GDF11: variants seen among roughly 807,000 people sequenced by gnomAD.
GDF11 encodes the protein growth/differentiation factor 11.
In GDF11, 12 loss-of-function variants were observed where a neutral mutation model predicts 34.4. The ratio of observed to expected loss-of-function variants is 0.35; its 90% CI spans 0.22 to 0.57. GDF11 has a LOEUF of 0.57. GDF11 is among the 20% of genes least tolerant of loss of function. The pLI is 0.86. For synonymous variants in GDF11, 212 were observed against 231.1 expected (o/e 0.92, Z 0.75); for missense variants, 346 against 548.2 (o/e 0.63, Z 3.68).
In GDF11 at chr12:55,748,556, T is replaced by C; in HGVS notation, c.446-30T>C. ...ACTGATCCCCTACACAAACACCCTT[T>C]GCTGATGCTGTGCCCTTCTCTCTTA... On this transcript the variant is annotated intron_variant, in intron 1 of 2. Coordinates refer to ENST00000257868, the MANE Select transcript of GDF11 (RefSeq NM_005811.5). The surrounding 1 kb of genome is among the most constrained non-coding windows in gnomAD (Gnocchi z 5.6). The C allele has an allele frequency of 6.4e-7, 1 of 1,569,382 alleles. No individual in the cohort carries two copies. The highest frequency in any genetic ancestry group is 8.7e-7 in the Non-Finnish European group (1 of 1,155,418).
chr12:55,751,715 C>T lies in GDF11; in HGVS notation c.*1833C>T, dbSNP rs1248017924. On this transcript the variant is annotated 3_prime_UTR_variant, in exon 3 of 3. Transcript: ENST00000257868. ...CTTACTTCACCACCAGGCCTCTTGG[C>T]TCCAGGCAAGAGCTTAGAGGATGTC... 4.6e-5 allele frequency: 7 copies of T among 152,160 alleles called. No individual in the cohort carries two copies. The highest frequency in any genetic ancestry group is 1.7e-4 in the African/African-American group (7 of 41,428). The allele number at this position is 152,160 out of a possible 1,614,324, so 9.4% of individuals were successfully genotyped here.
rs1878226194 is a variant in GDF11, at chr12:55,748,285, T to C, written c.446-301T>C. Among the ~76,000 whole-genome samples the C allele has an allele frequency of 6.6e-6, 1 of 152,124 alleles. No homozygotes were observed. Among genetic ancestry groups the C allele is most frequent in the Admixed American group, 6.5e-5 (1 of 15,268 alleles). ...TTGGAGCCTTATATGCTGGGAAAAG[T>C]TGGACAGTAAGGATGGTGGTGGATG... On this transcript the variant is annotated intron_variant, in intron 1 of 2. Coordinates refer to ENST00000257868, the MANE Select transcript of GDF11 (RefSeq NM_005811.5). This position sits in a 1 kb window ranked among gnomAD's most constrained non-coding sequence, Gnocchi z 5.6.
At chr12:55,744,646 C>T (rs3843621) in intron 1 of GDF11, among the ~76,000 whole-genome samples, 4,983 of 150,586 alleles carry the variant, frequency 0.033, 283 homozygotes, top group African/African-American at 0.11. Context: ...ACTACACCCC[C>T]CCTTTTCCAG....
Position 55,749,414 on chromosome 12 carries a change from C to A in GDF11, c.844-88C>A. 1 of 1,393,198 alleles carries A rather than the reference C, an allele frequency of 7.2e-7. No individual in the cohort carries two copies. The highest frequency in any genetic ancestry group is 2.4e-4 in the Middle Eastern group (1 of 4,114). 86.3% of individuals were successfully genotyped at this position (1,393,198 alleles called of 1,614,324 possible). On this transcript the variant is annotated intron_variant, in intron 2 of 2. Coordinates refer to ENST00000257868, the MANE Select transcript of GDF11 (RefSeq NM_005811.5). This position sits in a 1 kb window ranked among gnomAD's most constrained non-coding sequence, Gnocchi z 5.6. The stretch of plus-strand genomic sequence containing the variant: ...AGCTGAGAAGTCAGCAGTCTCTATT[C>A]TGATGCCCCTGGCAGGTGGGAAAGG...
intron 1 of GDF11, among the ~76,000 whole-genome samples, chr12:55,745,237 T>A: frequency 6.6e-6 from 1 of 152,092 alleles, no homozygotes; most frequent in East Asian, 1.9e-4. Context: ...AAAGATACTC[T>A]AGTCTCTGTG....
intron 1 of GDF11, among the ~76,000 whole-genome samples, chr12:55,747,206 T>C (rs1455416188): frequency 2.0e-5 from 3 of 151,980 alleles, no homozygotes; most frequent in African/African-American, 7.3e-5. Context: ...CCCCAAACCC[T>C]ACTCCATTGC....
chr12:55,746,961 T>C lies in GDF11; in HGVS notation c.446-1625T>C, dbSNP rs188521675. ...TTTAGGGAGTTCATTCACCATGTAT[T>C]TATTGAGTGCTGTCTAGCACTATGG... On this transcript the variant is annotated intron_variant, in intron 1 of 2. Transcript: ENST00000257868. Among the ~76,000 whole-genome samples the C allele has an allele frequency of 6.6e-5, 10 of 152,286 alleles. No homozygotes were observed. In the East Asian group the frequency reaches 1.9e-3, roughly 29 times the overall value.
Position 55,748,875 on chromosome 12 carries a change from C to G in GDF11, c.735C>G (p.His245Gln). Residue 245 changes from histidine to glutamine, a missense_variant, in exon 2 of 3, where the codon CAC (histidine) becomes CAG (glutamine). Physicochemically the swap from His to Gln is conservative, Grantham distance 24 (BLOSUM62 0). Coordinates refer to ENST00000257868, the MANE Select transcript of GDF11 (RefSeq NM_005811.5). This position sits in a 1 kb window ranked among gnomAD's most constrained non-coding sequence, Gnocchi z 5.6. ...WQSIDFKQVL[H>Q]SWFRQPQSNW... ...GCATCGACTTCAAGCAAGTGCTACA[C>G]AGCTGGTTCCGCCAGCCACAGAGCA... 1 of 1,612,134 alleles carries G rather than the reference C, an allele frequency of 6.2e-7. No homozygotes were observed. The highest frequency in any genetic ancestry group is 1.1e-5 in the South Asian group (1 of 91,044).
In GDF11 at chr12:55,750,119, G is replaced by C. The variant is rs1229232131; in HGVS notation, c.*237G>C. The C allele has an allele frequency of 5.7e-6, 3 of 527,982 alleles. No individual in the cohort carries two copies. Among genetic ancestry groups the C allele is most frequent in the Non-Finnish European group, 1.0e-5 (3 of 295,690 alleles). 32.7% of individuals were successfully genotyped at this position (527,982 alleles called of 1,614,324 possible). A position where few individuals can be genotyped will look rare whatever the true frequency, so the allele number is the denominator to read the frequency against. ...GGGAGTGTTTGAAGTTTGCAGATGA[G>C]AAGGTTTGACAAAAAGACAGAGAGA... On this transcript the variant is annotated 3_prime_UTR_variant, in exon 3 of 3. Transcript: ENST00000257868.
At position 55,750,385 on chromosome 12, in the gene GDF11, CCTT is replaced by C. The variant is rs1878283361; in HGVS notation, c.*506_*508del. The stretch of plus-strand genomic sequence containing the variant: ...AGAAATCAAAAATCCATTCTTTTCT[CCTT>C]CTCTCCCTCCAACAGTGGCCAGGGG... On this transcript the variant is annotated 3_prime_UTR_variant, in exon 3 of 3. Transcript: ENST00000257868. 1.3e-5 allele frequency: 2 copies of C among 153,162 alleles called. No individual in the cohort carries two copies. Among genetic ancestry groups the C allele is most frequent in the Admixed American group, 6.5e-5 (1 of 15,298 alleles). The allele number at this position is 153,162 out of a possible 1,614,324, so 9.5% of individuals were successfully genotyped here.
rs1878534597 is a variant in GDF11, at chr12:55,757,244, A to C, written c.*7362A>C. ...TGGTCTAATCTAGCTCCAATAAATC[A>C]AAGGAGCACCTAATAAAACACATTG... On this transcript the variant is annotated 3_prime_UTR_variant, in exon 3 of 3. Coordinates refer to ENST00000257868, the MANE Select transcript of GDF11 (RefSeq NM_005811.5). 1 of 308,474 alleles carries C rather than the reference A, an allele frequency of 3.2e-6. No homozygotes were observed. The highest frequency in any genetic ancestry group is 2.2e-5 in the African/African-American group (1 of 46,112). The allele number at this position is 308,474 out of a possible 1,614,324, so 19.1% of individuals were successfully genotyped here. A position where few individuals can be genotyped will look rare whatever the true frequency, so the allele number is the denominator to read the frequency against.
rs759677658 is a variant in GDF11, at chr12:55,743,447, G to T, written c.131G>T (p.Gly44Val). Residue 44 changes from glycine to valine, a missense_variant, in exon 1 of 3, where the codon GGG becomes GTG. Gly to Val is a moderately radical substitution (Grantham distance 109). Transcript: ENST00000257868. Reference sequence around the variant, plus strand: ...GCGGCGGCGGCAGCGGCGGGGGTCGGGGGGGAGCGCTCCAGCCGGCCAGCC... The same window carrying T: ...GCGGCGGCGGCAGCGGCGGGGGTCGTGGGGGAGCGCTCCAGCCGGCCAGCC... ...AAAAAAAAGV[G>V]GERSSRPAPS... The T allele has an allele frequency of 1.8e-5, 23 of 1,248,582 alleles. No individual in the cohort carries two copies. Among genetic ancestry groups the T allele is most frequent in the Middle Eastern group, 6.2e-4 (2 of 3,236 alleles). 77.3% of individuals were successfully genotyped at this position (1,248,582 alleles called of 1,614,324 possible). A position where few individuals can be genotyped will look rare whatever the true frequency, so the allele number is the denominator to read the frequency against.
At position 55,756,313 on chromosome 12, in the gene GDF11, T is replaced by C. The variant is rs759836408; in HGVS notation, c.*6431T>C. 18 of 152,248 alleles carry C rather than the reference T, an allele frequency of 1.2e-4. No homozygotes were observed. The highest frequency in any genetic ancestry group is 1.7e-4 in the African/African-American group (7 of 41,466). 9.4% of individuals were successfully genotyped at this position (152,248 alleles called of 1,614,324 possible). A position where few individuals can be genotyped will look rare whatever the true frequency, so the allele number is the denominator to read the frequency against. ...TTCACAACAAATGGGCAGCAGTTTT[T>C]GGATCTGCTCTCCAAGGCACAATTT... On this transcript the variant is annotated 3_prime_UTR_variant, in exon 3 of 3. Transcript: ENST00000257868.
Position 55,751,899 on chromosome 12 carries a change from C to G in GDF11, c.*2017C>G, listed in dbSNP as rs1878333313. On this transcript the variant is annotated 3_prime_UTR_variant, in exon 3 of 3. Coordinates refer to ENST00000257868, the MANE Select transcript of GDF11 (RefSeq NM_005811.5). ...CCAAGAGCATGACTCTCCCCCTTGGCCAGTTGGTGGAAGGGGCAAAGGTAT... is the reference window on the plus strand; with the variant it reads ...CCAAGAGCATGACTCTCCCCCTTGGGCAGTTGGTGGAAGGGGCAAAGGTAT... The G allele has an allele frequency of 6.6e-6, 1 of 152,238 alleles. No individual in the cohort carries two copies. The highest frequency in any genetic ancestry group is 1.5e-5 in the Non-Finnish European group (1 of 68,086). The allele number at this position is 152,238 out of a possible 1,614,324, so 9.4% of individuals were successfully genotyped here.
chr12:55,748,929 T>A lies in GDF11; in HGVS notation c.789T>A (p.Asp263Glu). The change falls in exon 2 of 3, where the codon GAT (aspartate) becomes GAA (glutamate). Residue 263 changes from aspartate to glutamate, a missense_variant. Asp to Glu is a conservative substitution (Grantham distance 45). Around this residue, in one of 3 missense-constraint regions of GDF11, gnomAD observed 205 missense variants for 311.3 expected, o/e 0.66. Coordinates refer to ENST00000257868, the MANE Select transcript of GDF11 (RefSeq NM_005811.5). This position sits in a 1 kb window ranked among gnomAD's most constrained non-coding sequence, Gnocchi z 5.6. Reference protein sequence around the residue: ...SNWGIEINAFDPSGTDLAVTS... With the variant: ...SNWGIEINAFEPSGTDLAVTS... ...GGGGCATCGAGATCAACGCCTTTGA[T>A]CCCAGTGGCACAGACCTGGCTGTCA... 6.2e-7 allele frequency: 1 copy of A among 1,603,702 alleles called. No individual in the cohort carries two copies. Among genetic ancestry groups the A allele is most frequent in the Non-Finnish European group, 8.5e-7 (1 of 1,179,860 alleles).
rs1878246549 is a variant in GDF11, at chr12:55,749,031, G to A, written c.843+48G>A. On this transcript the variant is annotated intron_variant, in intron 2 of 2. Transcript: ENST00000257868. The surrounding 1 kb of genome is among the most constrained non-coding windows in gnomAD (Gnocchi z 5.6). ...TGGATATGTGTAACCTGGCCCTGAG[G>A]AGATAGGGTTACATTGGAAAAGGTA... The A allele has an allele frequency of 1.3e-6, 2 of 1,517,622 alleles. No individual in the cohort carries two copies. The highest frequency in any genetic ancestry group is 1.8e-6 in the Non-Finnish European group (2 of 1,132,764). The allele number at this position is 1,517,622 out of a possible 1,614,324, so 94.0% of individuals were successfully genotyped here.
chr12:55,749,446 G>A lies in GDF11; in HGVS notation c.844-56G>A. The A allele has an allele frequency of 6.5e-7, 1 of 1,531,086 alleles. No homozygotes were observed. Among genetic ancestry groups the A allele is most frequent in the Non-Finnish European group, 8.8e-7 (1 of 1,132,886 alleles). 94.8% of individuals were successfully genotyped at this position (1,531,086 alleles called of 1,614,324 possible). On this transcript the variant is annotated intron_variant, in intron 2 of 2. Transcript: ENST00000257868. This position sits in a 1 kb window ranked among gnomAD's most constrained non-coding sequence, Gnocchi z 5.6. ...CCCTGGCAGGTGGGAAAGGAACAGG[G>A]AAGAGGAACTGTTCAGGACCATATC...
chr12:55,751,720 G>A lies in GDF11; in HGVS notation c.*1838G>A, dbSNP rs1878327899. On this transcript the variant is annotated 3_prime_UTR_variant, in exon 3 of 3. Coordinates refer to ENST00000257868, the MANE Select transcript of GDF11 (RefSeq NM_005811.5). ...TTCACCACCAGGCCTCTTGGCTCCA[G>A]GCAAGAGCTTAGAGGATGTCAGGAG... is the stretch of plus-strand genomic sequence containing the variant. The A allele has an allele frequency of 6.6e-6, 1 of 152,170 alleles. No individual in the cohort carries two copies. The highest frequency in any genetic ancestry group is 1.5e-5 in the Non-Finnish European group (1 of 68,048). The allele number at this position is 152,170 out of a possible 1,614,324, so 9.4% of individuals were successfully genotyped here. A position where few individuals can be genotyped will look rare whatever the true frequency, so the allele number is the denominator to read the frequency against.
Position 55,755,230 on chromosome 12 carries a change from A to C in GDF11, c.*5348A>C, listed in dbSNP as rs1406768780. ...CAGCAAGAGAACTCAGCTCAACACC[A>C]AGAAGTCCTGCCCTTATTCACACCT... is the stretch of plus-strand genomic sequence containing the variant. On this transcript the variant is annotated 3_prime_UTR_variant, in exon 3 of 3. Coordinates refer to ENST00000257868, the MANE Select transcript of GDF11 (RefSeq NM_005811.5). 2 of 151,974 alleles carry C rather than the reference A, an allele frequency of 1.3e-5. No individual in the cohort carries two copies. The highest frequency in any genetic ancestry group is 2.4e-5 in the African/African-American group (1 of 41,314). 9.4% of individuals were successfully genotyped at this position (151,974 alleles called of 1,614,324 possible).
Sources: allele counts gnomAD v4.1 joint callset (sites outside exome capture counted in the v4.1 genomes callset), GRCh38; gene constraint gnomAD v4.1.1; regional missense constraint gnomAD v4.1.1; non-coding constraint Gnocchi (gnomAD v3.1); transcripts MANE v1.5; gene names NCBI Gene and HGNC (gene_info 2026-07-23, HGNC 2026-07-21).